Variants in DUSP4 observed in about 807,000 individuals in gnomAD.
DUSP4 encodes the protein dual specificity phosphatase 4, also known as dual specificity protein phosphatase 4.
A neutral mutation model predicts 27.2 loss-of-function variants in DUSP4; 12 were observed. The observed-to-expected ratio is 0.44, with a 90% CI of 0.28 to 0.71. DUSP4 has a LOEUF of 0.71. DUSP4 is among the 30% of genes least tolerant of loss of function. The pLI, the probability that DUSP4 is intolerant of heterozygous loss-of-function variation, is 0.14. For synonymous variants in DUSP4, 257 were observed against 245.2 expected (o/e 1.05, Z -0.45); for missense variants, 448 against 551.3 (o/e 0.81, Z 1.88).
intron 1 of DUSP4, chr8:29,345,601 A>T: frequency 6.7e-7 from 1 of 1,488,840 alleles, no homozygotes; most frequent in Non-Finnish European, 8.9e-7. Flanking sequence ...AGATGTTCTG[A>T]TTTTTTTTCA....
rs1817582136 is a variant in DUSP4 at position 29,336,981 on chromosome 8, C to T, written c.*45G>A. The T allele has an allele frequency of 9.2e-6, 14 of 1,523,644 alleles. No homozygotes were observed. The East Asian group carries it at 3.3e-4, about 36-fold the overall frequency. 94.4% of individuals were successfully genotyped at this position (1,523,644 alleles called of 1,614,324 possible). On this transcript the variant is annotated 3_prime_UTR_variant, in exon 4 of 4. Transcript: ENST00000240100. Reference sequence around the variant, plus strand: ...TTCTGCCCGCATGCGGCCCGTCCTACCCTTGCTGGGAGCCAGCTCTGGTTC... The same window carrying T: ...TTCTGCCCGCATGCGGCCCGTCCTATCCTTGCTGGGAGCCAGCTCTGGTTC...
At chr8:29,345,072 C>T (rs956472191) in intron 1 of DUSP4, among the ~76,000 whole-genome samples, 4 of 152,168 alleles carry the variant, frequency 2.6e-5, no homozygotes, top group Admixed American at 1.3e-4. Flanking sequence ...ATCTGCCTGC[C>T]TCAGTCTCTC....
chr8:29,339,936 G>C (rs1382536018), intron 2 of DUSP4, among the ~76,000 whole-genome samples, 162 bp downstream of exon 2: 2 of 151,966 alleles, frequency 1.3e-5, no homozygotes, highest in Non-Finnish European at 2.9e-5. Context: ...GGAGTTCGAG[G>C]CTGCAGTAAG....
chr8:29,348,441 C>T (rs1197911331), intron 1 of DUSP4: 4 of 981,728 alleles, frequency 4.1e-6, no homozygotes, highest in African/African-American at 1.8e-5. Flanking sequence ...GGGGACTGGG[C>T]TCATTTGGAG....
At position 29,336,760 on chromosome 8, in the gene DUSP4, G is replaced by A. The variant is rs1438801329; in HGVS notation, c.*266C>T. ...GGTAAGAAATTTCTATCGGAAAAGT[G>A]AAACTGACACATAAACCAAACCAAG... On this transcript the variant is annotated 3_prime_UTR_variant, in exon 4 of 4. Transcript: ENST00000240100. The A allele has an allele frequency of 2.4e-6, 1 of 414,622 alleles. No homozygotes were observed. The highest frequency in any genetic ancestry group is 4.0e-5 in the Admixed American group (1 of 24,818). The allele number at this position is 414,622 out of a possible 1,614,324, so 25.7% of individuals were successfully genotyped here. A position where few individuals can be genotyped will look rare whatever the true frequency, so the allele number is the denominator to read the frequency against.
chr8:29,349,679 C>T (rs1817791874), intron 1 of DUSP4, among the ~76,000 whole-genome samples, 167 bp downstream of exon 1: 1 of 152,356 alleles, frequency 6.6e-6, no homozygotes, highest in African/African-American at 2.4e-5. Flanking sequence ...CTCGCACTTG[C>T]ACAGAAACCT....
At position 29,335,533 on chromosome 8, in the gene DUSP4, T is replaced by C. The variant is rs1817559952; in HGVS notation, c.*1493A>G. ...CTGAAATGTGGTGTCCATTCCCCTC[T>C]TTATTCAAAAGAGGACCTTCAAAAA... On this transcript the variant is annotated 3_prime_UTR_variant, in exon 4 of 4. Coordinates refer to ENST00000240100, the MANE Select transcript of DUSP4 (RefSeq NM_001394.7). 1 of 152,250 alleles carries C rather than the reference T, an allele frequency of 6.6e-6. No individual in the cohort carries two copies. Among genetic ancestry groups the C allele is most frequent in the Non-Finnish European group, 1.5e-5 (1 of 68,052 alleles). The allele number at this position is 152,250 out of a possible 1,614,324, so 9.4% of individuals were successfully genotyped here. A position where few individuals can be genotyped will look rare whatever the true frequency, so the allele number is the denominator to read the frequency against.
At position 29,349,865 on chromosome 8, in the gene DUSP4, G is replaced by T; in HGVS notation, c.414C>A (p.Thr138=). 1 of 1,505,438 alleles carries T rather than the reference G, an allele frequency of 6.6e-7. No homozygotes were observed. Among genetic ancestry groups the T allele is most frequent in the Non-Finnish European group, 8.8e-7 (1 of 1,133,382 alleles). 93.3% of individuals were successfully genotyped at this position (1,505,438 alleles called of 1,614,324 possible). A position where few individuals can be genotyped will look rare whatever the true frequency, so the allele number is the denominator to read the frequency against. ...GTTTACCTTTGAGCAGGCAGATGTC[G>T]GTGCGCTCGGCGTTGCGGCGCAGCG... ...VQALRRNAER[T]DICLLKGGYE... is the part of the protein sequence containing the mutation. The change falls in exon 1 of 4, where the codon ACC becomes ACA. Residue 138 remains threonine (T), a synonymous_variant. Coordinates refer to ENST00000240100, the MANE Select transcript of DUSP4 (RefSeq NM_001394.7).
Position 29,350,363 on chromosome 8 carries a change from G to T in DUSP4, c.-85C>A. ...AGGCTGCAGAAAGGGGCGGGCGAGA[G>T]CTAAGAAGGGACGCCTGCAGAAGTG... On this transcript the variant is annotated 5_prime_UTR_variant, in exon 1 of 4. Transcript: ENST00000240100. 1 of 1,448,492 alleles carries T rather than the reference G, an allele frequency of 6.9e-7. No homozygotes were observed. The highest frequency in any genetic ancestry group is 9.1e-7 in the Non-Finnish European group (1 of 1,099,406). 89.7% of individuals were successfully genotyped at this position (1,448,492 alleles called of 1,614,324 possible).
At position 29,350,313 on chromosome 8, in the gene DUSP4, G is replaced by C; in HGVS notation, c.-35C>G. 1 of 1,544,466 alleles carries C rather than the reference G, an allele frequency of 6.5e-7. No individual in the cohort carries two copies. Among genetic ancestry groups the C allele is most frequent in the Non-Finnish European group, 8.7e-7 (1 of 1,148,312 alleles). ...GAACCGAGGCGGCTGGGCGCGCGAGGAAGAGAAGAGAACCCGGGCCGCCTA... is the reference window on the plus strand; with the variant it reads ...GAACCGAGGCGGCTGGGCGCGCGAGCAAGAGAAGAGAACCCGGGCCGCCTA... On this transcript the variant is annotated 5_prime_UTR_variant, in exon 1 of 4. Coordinates refer to ENST00000240100, the MANE Select transcript of DUSP4 (RefSeq NM_001394.7).
At chr8:29,343,109 A>T (rs1050031617) in intron 1 of DUSP4, among the ~76,000 whole-genome samples, 1 of 144,498 alleles carries the variant, frequency 6.9e-6, no homozygotes, top group Admixed American at 7.2e-5. Flanking sequence ...CGGAGGTTGC[A>T]GTGAGCCGAG....
rs1275235890 is a variant in DUSP4, at chr8:29,340,169, G to C, written c.508C>G (p.Pro170Ala). The change falls in exon 2 of 4, where the codon CCG (proline) becomes GCG (alanine). Residue 170 changes from proline (P) to alanine (A), a missense_variant. Coordinates refer to ENST00000240100, the MANE Select transcript of DUSP4 (RefSeq NM_001394.7). ...GGCTCTGTGGCACTGGGGGGAACCG[G>C]GGGTGGGATGGCTGCCAGGGCCTTG... ...KTKALAAIPPPVPPSATEPLD... is the reference protein window; with the variant it reads ...KTKALAAIPPAVPPSATEPLD... 5 of 1,612,606 alleles carry C rather than the reference G, an allele frequency of 3.1e-6. No individual in the cohort carries two copies. Among genetic ancestry groups the C allele is most frequent in the Non-Finnish European group, 4.2e-6 (5 of 1,179,426 alleles).
intron 1 of DUSP4, among the ~76,000 whole-genome samples, chr8:29,344,689 T>TC: frequency 6.6e-6 from 1 of 152,036 alleles, no homozygotes; most frequent in African/African-American, 2.4e-5. Flanking sequence ...TCCACCACAC[T>TC]CCCCCGTCCC....
chr8:29,338,844 C>T lies in DUSP4; in HGVS notation c.580-343G>A, dbSNP rs534642559. On this transcript the variant is annotated intron_variant, in intron 2 of 3. Transcript: ENST00000240100. ...CACTGAGTTTATATCTGCTAATCAT[C>T]AAGCCATTTGCTGTGTGGTTTAGAT... is the stretch of plus-strand genomic sequence containing the variant. Among the ~76,000 whole-genome samples, 3 of 152,338 alleles carry T rather than the reference C, an allele frequency of 2.0e-5. No homozygotes were observed. In the South Asian group the frequency reaches 6.2e-4, roughly 32 times the overall value.
In DUSP4 at chr8:29,336,552, A is replaced by C. The variant is rs1314888213; in HGVS notation, c.*474T>G. 1 of 153,996 alleles carries C rather than the reference A, an allele frequency of 6.5e-6. No individual in the cohort carries two copies. The highest frequency in any genetic ancestry group is 1.9e-4 in the East Asian group (1 of 5,222). The allele number at this position is 153,996 out of a possible 1,614,324, so 9.5% of individuals were successfully genotyped here. Reference sequence around the variant, plus strand: ...CACCTTCGAAGATTTCTTTTAAAAAATGAAATTCCTTTAACTACAACAACG... The same window carrying C: ...CACCTTCGAAGATTTCTTTTAAAAACTGAAATTCCTTTAACTACAACAACG... On this transcript the variant is annotated 3_prime_UTR_variant, in exon 4 of 4. Transcript: ENST00000240100.
intron 2 of DUSP4, among the ~76,000 whole-genome samples, chr8:29,339,450 G>T (rs1360207000): frequency 6.6e-6 from 1 of 152,166 alleles, no homozygotes; most frequent in Non-Finnish European, 1.5e-5. Context: ...GTATTTCATG[G>T]CCTGCTACTT....
At chr8:29,344,224 G>A (rs1187198336) in intron 1 of DUSP4, among the ~76,000 whole-genome samples, 1 of 152,094 alleles carries the variant, frequency 6.6e-6, no homozygotes, top group Admixed American at 6.5e-5. Flanking sequence ...AAATATCCAG[G>A]ATCTACTTAT....
At chr8:29,345,807 G>T (rs1817725210) in intron 1 of DUSP4, 1 of 1,203,950 alleles carries the variant, frequency 8.3e-7, no homozygotes, top group Non-Finnish European at 1.0e-6. Flanking sequence ...GTTAGTTGGA[G>T]ACATCCAATG....
Position 29,349,967 on chromosome 8 carries a change from C to T in DUSP4, c.312G>A (p.Ala104=), listed in dbSNP as rs1260218801. ...GGCTGCGCTCGTCGTAGACGATGAC[C>T]GCCGAGTAGAGGCCGGAGCGCAAGC... ...RARLRSGLYS[A]VIVYDERSPR... Residue 104 remains alanine, a synonymous_variant, in exon 1 of 4, where the codon GCG becomes GCA. Coordinates refer to ENST00000240100, the MANE Select transcript of DUSP4 (RefSeq NM_001394.7). 4 of 1,586,164 alleles carry T rather than the reference C, an allele frequency of 2.5e-6. No individual in the cohort carries two copies. The highest frequency in any genetic ancestry group is 1.7e-5 in the Admixed American group (1 of 57,166).
Sources: gnomAD v4.1 joint callset for allele counts (sites outside exome capture counted in the v4.1 genomes callset) on GRCh38, gnomAD v4.1.1 for gene constraint, MANE v1.5 for transcripts, NCBI Gene and HGNC (gene_info 2026-07-23, HGNC 2026-07-21) for gene names.